PTPRD: variants seen among roughly 807,000 people sequenced by gnomAD.
PTPRD encodes receptor-type tyrosine-protein phosphatase delta.
Under a neutral mutation model 214.5 loss-of-function variants are expected in PTPRD, and 34 were observed. The observed-to-expected ratio is 0.16, with a 90% CI of 0.12 to 0.21. The LOEUF is 0.21. Among genes scored for constraint, PTPRD ranks in the 10% least tolerant of loss-of-function variants. The probability of loss-of-function intolerance (pLI) is 1.00; values close to 1 mark genes in which losing one functional copy is unlikely to be tolerated. For missense variants in PTPRD, 2,545 were observed against 2,398.7 expected (o/e 1.06, Z -1.27); for synonymous variants, 1,128 against 845.7 (o/e 1.33, Z -5.79).
chr9:9,089,064 C>G (rs575864354), intron 10 of PTPRD, among the ~76,000 whole-genome samples: 1 of 152,204 alleles, frequency 6.6e-6, no homozygotes, highest in East Asian at 1.9e-4. Context: ...AGGTCTTTCT[C>G]AAATAATTTG....
rs2090385086 is a variant in PTPRD, at chr9:9,938,613, G to A, written c.-471-3C>T. 1 of 151,914 alleles carries A rather than the reference G, an allele frequency of 6.6e-6. No homozygotes were observed. Among genetic ancestry groups the A allele is most frequent in the Non-Finnish European group, 1.5e-5 (1 of 67,996 alleles). 9.4% of individuals were successfully genotyped at this position (151,914 alleles called of 1,614,324 possible). On this transcript the variant is annotated splice_polypyrimidine_tract_variant and splice_region_variant and intron_variant, in intron 4 of 45. Transcript: ENST00000381196. ...ACTGCTTGCCTTTTATTTTCCACCT[G>A]GAACAAAACATAGTGTCAGTCATTT... is the stretch of plus-strand genomic sequence containing the variant.
At chr9:10,365,989 G>C (rs1217965459) in intron 2 of PTPRD, among the ~76,000 whole-genome samples, 2 of 152,176 alleles carry the variant, frequency 1.3e-5, no homozygotes, top group Non-Finnish European at 2.9e-5. Context: ...GTCAAATGCA[G>C]AATGGTGTAG....
intron 9 of PTPRD, among the ~76,000 whole-genome samples, chr9:9,358,571 T>G (rs1362857100): frequency 6.6e-6 from 1 of 151,282 alleles, no homozygotes; most frequent in Non-Finnish European, 1.5e-5. Context: ...GTTGCAATCC[T>G]GAGTATGTAC....
At position 8,618,906 on chromosome 9, in the gene PTPRD, G is replaced by GT. The variant is rs1270022921; in HGVS notation, c.352+14410dup. 1.8e-3 allele frequency among the ~76,000 whole-genome samples: 176 copies of GT among 96,830 alleles called. 5 individuals carry two copies. The highest frequency in any genetic ancestry group is 6.7e-3 in the African/African-American group (171 of 25,490). The allele number at this position is 96,830 out of a possible 152,430, so 63.5% of individuals were successfully genotyped here. A position where few individuals can be genotyped will look rare whatever the true frequency, so the allele number is the denominator to read the frequency against. On this transcript the variant is annotated intron_variant, in intron 14 of 45. Transcript: ENST00000381196. ...TGTGTGTGTGTGTGTGTTTGTCTGT[G>GT]TTTTTTTGTTTTTTTTTTTTTTTTT...
chr9:8,710,937 T>A (rs1418102683), intron 12 of PTPRD, among the ~76,000 whole-genome samples: 1 of 152,174 alleles, frequency 6.6e-6, no homozygotes, highest in East Asian at 1.9e-4. Context: ...ATTATCAAAA[T>A]ATATTGCTTT....
intron 8 of PTPRD, among the ~76,000 whole-genome samples, chr9:9,568,362 C>T (rs647190): frequency 0.19 from 29,055 of 151,758 alleles, 3,429 homozygotes; most frequent in Non-Finnish European, 0.26. Context: ...TAAGCAGAAT[C>T]AGGCTTCCTA....
At chr9:9,822,543 A>G (rs2051161598) in intron 5 of PTPRD, among the ~76,000 whole-genome samples, 2 of 148,588 alleles carry the variant, frequency 1.3e-5, no homozygotes, top group Non-Finnish European at 3.0e-5. Flanking sequence ...AGTTAAAATA[A>G]CCAACTACAA....
At chr9:10,185,151 T>C (rs1375148943) in intron 3 of PTPRD, among the ~76,000 whole-genome samples, 2 of 152,208 alleles carry the variant, frequency 1.3e-5, no homozygotes, top group African/African-American at 2.4e-5. Flanking sequence ...ATCTCACTGT[T>C]AATCTTTACA....
rs776487943 is a variant in PTPRD at position 10,028,991 on chromosome 9, G to A, written c.-472+4727C>T. The stretch of plus-strand genomic sequence containing the variant: ...GCCCAGGGTCCCTGGGCTGTGTGCC[G>A]CCTAGGGACTTGGTGCCCTGTGTCC... On this transcript the variant is annotated intron_variant, in intron 4 of 45. Transcript: ENST00000381196. Among the ~76,000 whole-genome samples the A allele has an allele frequency of 8.5e-5, 13 of 152,152 alleles. No homozygotes were observed. The East Asian group carries it at 9.7e-4, about 11-fold the overall frequency.
chr9:9,689,444 G>A (rs958872045), intron 7 of PTPRD, among the ~76,000 whole-genome samples: 6 of 151,774 alleles, frequency 4.0e-5, no homozygotes, highest in Admixed American at 2.0e-4. Flanking sequence ...TATATAACAT[G>A]TAATATATCT....
intron 3 of PTPRD, among the ~76,000 whole-genome samples, chr9:10,191,698 C>G (rs975213068): frequency 6.6e-6 from 1 of 152,142 alleles, no homozygotes; most frequent in Admixed American, 6.6e-5. Flanking sequence ...CGTTCCACTT[C>G]CTCTGATAAT....
At chr9:10,548,596 C>G (rs1339842981) in intron 2 of PTPRD, among the ~76,000 whole-genome samples, 1 of 151,810 alleles carries the variant, frequency 6.6e-6, no homozygotes, top group Non-Finnish European at 1.5e-5. Flanking sequence ...TGTGGTGTCC[C>G]TGGCTCCTGG....
intron 35 of PTPRD, among the ~76,000 whole-genome samples, chr9:8,422,778 C>T (rs1309725479): frequency 6.6e-6 from 1 of 152,172 alleles, no homozygotes; most frequent in Admixed American, 6.6e-5. Flanking sequence ...CAACATCCAC[C>T]AACTCTAACA....
chr9:9,219,635 G>A (rs933834517), intron 9 of PTPRD, among the ~76,000 whole-genome samples: 9 of 152,084 alleles, frequency 5.9e-5, no homozygotes, highest in South Asian at 2.1e-4. Context: ...AAAACTCTTC[G>A]AATGTATCAA....
At chr9:10,382,099 A>G (rs2097838346) in intron 2 of PTPRD, among the ~76,000 whole-genome samples, 1 of 151,834 alleles carries the variant, frequency 6.6e-6, no homozygotes, top group African/African-American at 2.4e-5. Flanking sequence ...GCTATTTCCA[A>G]AACTGGTACT....
intron 3 of PTPRD, among the ~76,000 whole-genome samples, chr9:10,077,736 G>C (rs1016437244): frequency 6.6e-6 from 1 of 151,990 alleles, no homozygotes; most frequent in Non-Finnish European, 1.5e-5. Flanking sequence ...TAATAAGTAA[G>C]AACCTTTGGT....
chr9:10,485,706 T>C (rs1346748176), intron 2 of PTPRD, among the ~76,000 whole-genome samples: 6 of 152,142 alleles, frequency 3.9e-5, no homozygotes, highest in Non-Finnish European at 5.9e-5. Context: ...TGTGTTGATA[T>C]TATATCCTGA....
chr9:9,151,450 G>T (rs1024113087), intron 10 of PTPRD, among the ~76,000 whole-genome samples: 1 of 152,130 alleles, frequency 6.6e-6, no homozygotes, highest in African/African-American at 2.4e-5. Context: ...GCAGGCAGGC[G>T]TCTGGGGATG....
At chr9:10,377,043 C>T (rs904055078) in intron 2 of PTPRD, among the ~76,000 whole-genome samples, 2 of 151,842 alleles carry the variant, frequency 1.3e-5, no homozygotes, top group African/African-American at 2.4e-5. Flanking sequence ...CCCCCCCTTC[C>T]ACCCACCCTC....
Sources: allele counts gnomAD v4.1 joint callset (sites outside exome capture counted in the v4.1 genomes callset), GRCh38; gene constraint gnomAD v4.1.1; transcripts MANE v1.5; gene names NCBI Gene and HGNC (gene_info 2026-07-23, HGNC 2026-07-21).